The following SYCP2 variants were observed in gnomAD, a reference collection of about 807,000 sequenced individuals.
The protein encoded by SYCP2 is synaptonemal complex lateral element protein.
Under a neutral mutation model 211.3 loss-of-function variants are expected in SYCP2, and 55 were observed. The ratio of observed to expected loss-of-function variants is 0.26; its 90% CI spans 0.21 to 0.33. SYCP2 has a LOEUF of 0.33. Ranked by LOEUF, SYCP2 falls within the 10% of genes least tolerant of loss-of-function variation. The pLI is 1.00. For missense variants in SYCP2, 1,731 were observed against 1,752.0 expected, an observed-to-expected ratio of 0.99 and a Z score of 0.21; for synonymous variants, 570 against 555.2, an observed-to-expected ratio of 1.03 and a Z score of -0.37.
rs752081896 is a variant in SYCP2 at position 59,891,992 on chromosome 20, T to A, written c.2362A>T (p.Met788Leu). ...ATCAAAACACATTGAAAGCTCACCA[T>A]TTTTTTTTGTTTCGAATCCCAGGAA... ...LNSWDSKQKKMREKSKGKEFT... is the reference protein window; with the variant it reads ...LNSWDSKQKKLREKSKGKEFT... The change falls in exon 24 of 45, where the codon ATG becomes TTG. Residue 788 changes from methionine to leucine, a missense_variant and splice_region_variant. Met to Leu is a conservative substitution (Grantham distance 15). Coordinates refer to ENST00000357552, the MANE Select transcript of SYCP2 (RefSeq NM_014258.4). 6.6e-7 allele frequency: 1 copy of A among 1,509,978 alleles called. No individual in the cohort carries two copies. 93.5% of individuals were successfully genotyped at this position (1,509,978 alleles called of 1,614,324 possible).
chr20:59,870,011 A>G (rs558759660), intron 35 of SYCP2, 28 bp from the exon 36 acceptor site: 33 of 1,458,440 alleles, frequency 2.3e-5, no homozygotes, highest in African/African-American at 4.2e-5. Context: ...CAAAAACCCA[A>G]TAAGAAGTTA....
chr20:59,903,689 T>C (rs1159921990), intron 15 of SYCP2, among the ~76,000 whole-genome samples: 1 of 152,146 alleles, frequency 6.6e-6, no homozygotes, highest in Non-Finnish European at 1.5e-5. Flanking sequence ...TATTCTTACC[T>C]GAAAAATTCA....
intron 31 of SYCP2, among the ~76,000 whole-genome samples, chr20:59,879,698 CA>C (rs374354150): frequency 9.2e-4 from 129 of 140,672 alleles, no homozygotes; most frequent in East Asian, 5.1e-3. Context: ...AACTTAGACC[CA>C]AAAAAAAAAA....
At chr20:59,886,066 T>C (rs2059782078) in intron 25 of SYCP2, 102 bp from the exon 26 acceptor site, 8 of 922,416 alleles carry the variant, frequency 8.7e-6, no homozygotes, top group Non-Finnish European at 1.3e-5. Context: ...TTATATTCAA[T>C]GTTAAAAATA....
In SYCP2 at chr20:59,868,451, A is replaced by G; in HGVS notation, c.3950T>C (p.Leu1317Pro). ...ERRANLLPKK[L>P]CKIEDADHHI... ...ATGATCTGCATCTTCAATTTTACAC[A>G]GTTTTTTGGGAAGCAAGTTTGCTCT... Residue 1317 changes from leucine to proline, a missense_variant, in exon 38 of 45, where the codon CTG becomes CCG. By Grantham distance (98) the Leu-to-Pro change is moderately conservative. Around this residue, in one of 3 missense-constraint regions of SYCP2, gnomAD observed 1,387 missense variants for 1,351.3 expected, o/e 1.03. Coordinates refer to ENST00000357552, the MANE Select transcript of SYCP2 (RefSeq NM_014258.4). The G allele has an allele frequency of 6.2e-7, 1 of 1,610,984 alleles. No individual in the cohort carries two copies. Among genetic ancestry groups the G allele is most frequent in the Non-Finnish European group, 8.5e-7 (1 of 1,178,288 alleles).
chr20:59,867,524 A>G (rs908278339), intron 39 of SYCP2, among the ~76,000 whole-genome samples, 187 bp downstream of exon 39: 2 of 151,860 alleles, frequency 1.3e-5, no homozygotes, highest in Non-Finnish European at 2.9e-5. Context: ...AAAAGAGAAA[A>G]AAGTAGTAGC....
intron 15 of SYCP2, among the ~76,000 whole-genome samples, chr20:59,902,455 C>T (rs969695290): frequency 6.6e-6 from 1 of 152,114 alleles, no homozygotes; most frequent in Non-Finnish European, 1.5e-5. Flanking sequence ...CCAGAGGCCA[C>T]CATGCTCGTG....
At chr20:59,866,206 G>A (rs1221305166) in intron 41 of SYCP2, 87 bp downstream of exon 41, 7 of 749,450 alleles carry the variant, frequency 9.3e-6, no homozygotes, top group Admixed American at 5.9e-5. Flanking sequence ...GCTTTAGGAT[G>A]TGCTCCCAAA....
chr20:59,879,520 G>A (rs1226365513), intron 31 of SYCP2, among the ~76,000 whole-genome samples: 2 of 151,652 alleles, frequency 1.3e-5, no homozygotes, highest in Non-Finnish European at 3.0e-5. Flanking sequence ...TTTTAAAAAT[G>A]CAACATATAA....
intron 16 of SYCP2, 126 bp downstream of exon 16, chr20:59,901,536 A>C (rs1434535083): frequency 1.2e-5 from 7 of 600,476 alleles, no homozygotes; most frequent in Non-Finnish European, 1.9e-5. Context: ...TCAACAGTAC[A>C]AATTTAAAGA....
intron 15 of SYCP2, among the ~76,000 whole-genome samples, chr20:59,902,989 T>G (rs556967945): frequency 4.8e-4 from 73 of 152,270 alleles, no homozygotes; most frequent in Middle Eastern, 3.4e-3. Context: ...TTTTTTTCTA[T>G]AGCTTACTGT....
At chr20:59,880,597 C>G (rs2059659539) in intron 30 of SYCP2, 126 bp from the exon 31 acceptor site, 1 of 552,760 alleles carries the variant, frequency 1.8e-6, no homozygotes, top group Admixed American at 3.7e-5. Context: ...ACTAACTTGT[C>G]ATTTCTTAAC....
chr20:59,930,967 A>C (rs2060728509), intron 2 of SYCP2, among the ~76,000 whole-genome samples: 1 of 152,250 alleles, frequency 6.6e-6, no homozygotes, highest in Non-Finnish European at 1.5e-5. Context: ...AAAAGTCTTC[A>C]TTATAACATG....
chr20:59,869,075 T>C, intron 36 of SYCP2, 150 bp from the exon 37 acceptor site: 2 of 576,362 alleles, frequency 3.5e-6, no homozygotes, highest in Non-Finnish European at 6.0e-6. Context: ...ATCTCTAATA[T>C]TTACCATGTG....
At chr20:59,900,319 CT>C in intron 17 of SYCP2, 35 bp from the exon 18 acceptor site, 1 of 1,526,228 alleles carries the variant, frequency 6.6e-7, no homozygotes, top group Non-Finnish European at 8.8e-7. Flanking sequence ...GTATTTAAAA[CT>C]GCAAACCACA....
At chr20:59,911,623 CTA>C (rs2060328998) in intron 14 of SYCP2, 125 bp downstream of exon 14, 1 of 413,354 alleles carries the variant, frequency 2.4e-6, no homozygotes, top group Non-Finnish European at 4.4e-6. Flanking sequence ...AATCAAACTA[CTA>C]GAGCTAATAT....
intron 13 of SYCP2, 25 bp from the exon 14 acceptor site, chr20:59,911,870 G>T: frequency 1.7e-6 from 2 of 1,200,992 alleles, no homozygotes; most frequent in South Asian, 1.5e-5. Context: ...ATACAAAACT[G>T]GAATATACAA....
Position 59,873,901 on chromosome 20 carries a change from C to A in SYCP2, c.3510G>T (p.Leu1170=). ...KSPKNNEKNF[L]CASESCSPIP... ...TTGGTGAACAACTTTCACTTGCACA[C>A]AGGAAGTTTTTCTCATTGTTTTTGG... Residue 1170 remains leucine, a synonymous_variant, in exon 35 of 45, where the codon CTG becomes CTT. Transcript: ENST00000357552. 6.2e-7 allele frequency: 1 copy of A among 1,613,236 alleles called. No individual in the cohort carries two copies. Among genetic ancestry groups the A allele is most frequent in the Non-Finnish European group, 8.5e-7 (1 of 1,179,594 alleles).
intron 24 of SYCP2, among the ~76,000 whole-genome samples, chr20:59,889,328 G>C (rs569165839): frequency 4.7e-4 from 71 of 152,052 alleles, no homozygotes; most frequent in Non-Finnish European, 9.7e-4. Context: ...ATGGGTAAAT[G>C]GGTATACGAG....
Sources: gnomAD v4.1 joint callset for allele counts (sites outside exome capture counted in the v4.1 genomes callset) on GRCh38, gnomAD v4.1.1 for gene constraint, gnomAD v4.1.1 regional missense constraint, MANE v1.5 for transcripts, NCBI Gene and HGNC (gene_info 2026-07-23, HGNC 2026-07-21) for gene names.